The following IQSEC1 variants were observed in gnomAD, a reference collection of about 807,000 sequenced individuals.
IQSEC1 encodes the protein IQ motif and Sec7 domain ArfGEF 1.
In IQSEC1, 31 loss-of-function variants were observed where a neutral mutation model predicts 91.0. The ratio of observed to expected loss-of-function variants is 0.34; its 90% CI spans 0.26 to 0.46. IQSEC1 has a LOEUF of 0.46. IQSEC1 is among the 20% of genes least tolerant of loss of function. The pLI is 1.00. For synonymous variants in IQSEC1, 699 were observed against 662.6 expected (o/e 1.05, Z -0.84); for missense variants, 1,388 against 1,575.6 (o/e 0.88, Z 2.02).
intron 1 of IQSEC1, chr3:13,022,569 T>A (rs1703450199): frequency 3.6e-6 from 2 of 554,318 alleles, no homozygotes; most frequent in African/African-American, 2.1e-5. Flanking sequence ...TGGCCTGGGA[T>A]GGGAGAGGCG....
Position 12,979,914 on chromosome 3 carries a change from A to G in IQSEC1, c.24-38049T>C, listed in dbSNP as rs188992394. On this transcript the variant is annotated intron_variant, in intron 1 of 13. Coordinates refer to ENST00000613206, the MANE Select transcript of IQSEC1 (RefSeq NM_001134382.3). This position sits in a 1 kb window ranked among gnomAD's most constrained non-coding sequence, Gnocchi z 4.3. The stretch of plus-strand genomic sequence containing the variant: ...GAATCCATTTTGCGCAACAAGAAAC[A>G]GCATACTCAAGCGAGAAATGATTTC... Among the ~76,000 whole-genome samples, 3 of 152,308 alleles carry G rather than the reference A, an allele frequency of 2.0e-5. No homozygotes were observed. In the East Asian group the frequency reaches 5.8e-4, roughly 29 times the overall value.
At chr3:12,903,493 C>G (rs968015177) in intron 12 of IQSEC1, among the ~76,000 whole-genome samples, 1 of 152,204 alleles carries the variant, frequency 6.6e-6, no homozygotes, top group Non-Finnish European at 1.5e-5. Flanking sequence ...GGTACCACCC[C>G]CCAAAGGGGC....
chr3:12,957,002 G>A (rs2570001), intron 1 of IQSEC1, among the ~76,000 whole-genome samples: 1 of 152,006 alleles, frequency 6.6e-6, no homozygotes, highest in Non-Finnish European at 1.5e-5. Context: ...AAGGCTCAAC[G>A]CCCTTAACTC....
intron 1 of IQSEC1, among the ~76,000 whole-genome samples, chr3:13,275,270 C>T (rs1390143975): frequency 6.6e-6 from 1 of 152,220 alleles, no homozygotes; most frequent in Non-Finnish European, 1.5e-5. Flanking sequence ...GAACGACAGT[C>T]TCTAACCCGT....
At chr3:13,159,386 G>A (rs1384626814) in intron 2 of IQSEC1, among the ~76,000 whole-genome samples, 2 of 152,078 alleles carry the variant, frequency 1.3e-5, no homozygotes, top group Non-Finnish European at 2.9e-5. Flanking sequence ...CCGAGATCAC[G>A]TCACTGCACT....
At chr3:13,134,766 A>G (rs1399425535) in intron 2 of IQSEC1, among the ~76,000 whole-genome samples, 4 of 152,166 alleles carry the variant, frequency 2.6e-5, no homozygotes, top group African/African-American at 9.7e-5. Context: ...GGGCTGCTAC[A>G]GCTTGCAAGA....
rs531196518 is a variant in IQSEC1, at chr3:13,162,080, G to C, written c.302+2024C>G. On this transcript the variant is annotated intron_variant, in intron 2 of 15. Transcript: ENST00000648114. ...GTGAACACCAGGCCGGGTGGGGCTG[G>C]GGCAGACCAGATCCCCACCACGAGG... 1.6e-3 allele frequency among the ~76,000 whole-genome samples: 240 copies of C among 152,306 alleles called. 2 individuals are homozygous for C. Among genetic ancestry groups the C allele is most frequent in the African/African-American group, 5.4e-3 (225 of 41,566 alleles).
rs778654136 is a variant in IQSEC1, at chr3:12,901,455, G to A, written c.2873C>T (p.Pro958Leu). 3.2e-6 allele frequency: 5 copies of A among 1,549,142 alleles called. No homozygotes were observed. Among genetic ancestry groups the A allele is most frequent in the Non-Finnish European group, 4.4e-6 (5 of 1,146,802 alleles). Reference protein sequence around the residue: ...ATSTRECPSRPHQTMPNSSSL... With the variant: ...ATSTRECPSRLHQTMPNSSSL... Reference sequence around the variant, plus strand: ...AGATGAGTTGGGCATAGTCTGGTGTGGGCGAGATGGACACTCTCGTGTTGA... The same window carrying A: ...AGATGAGTTGGGCATAGTCTGGTGTAGGCGAGATGGACACTCTCGTGTTGA... Residue 958 changes from proline (P) to leucine (L), a missense_variant, in exon 14 of 14, where the codon CCA (proline) becomes CTA (leucine). Physicochemically the swap from Pro to Leu is moderately conservative, Grantham distance 98. Around this residue, in one of 2 missense-constraint regions of IQSEC1, gnomAD observed 329 missense variants for 257.8 expected, o/e 1.28. Transcript: ENST00000613206.
intron 1 of IQSEC1, among the ~76,000 whole-genome samples, chr3:13,020,584 A>G (rs1219313255): frequency 6.6e-6 from 1 of 152,248 alleles, no homozygotes. Flanking sequence ...GAAGAACCTC[A>G]GGACCCTGTA....
chr3:12,990,902 G>A (rs925606928), intron 1 of IQSEC1, among the ~76,000 whole-genome samples: 4 of 152,242 alleles, frequency 2.6e-5, no homozygotes, highest in Admixed American at 1.3e-4. Flanking sequence ...CTGGCATGGA[G>A]TAGATGCTTA....
At chr3:13,192,877 G>A (rs377665309) in intron 1 of IQSEC1, among the ~76,000 whole-genome samples, 1 of 152,248 alleles carries the variant, frequency 6.6e-6, no homozygotes, top group African/African-American at 2.4e-5. Flanking sequence ...TTCACCTTGA[G>A]GGGGAGCATT....
chr3:13,230,424 C>A (rs1694822866), intron 1 of IQSEC1, among the ~76,000 whole-genome samples: 1 of 152,204 alleles, frequency 6.6e-6, no homozygotes, highest in African/African-American at 2.4e-5. Flanking sequence ...GGCTAACTTT[C>A]TCAAAACACT....
chr3:13,260,076 C>T (rs1695355824), intron 1 of IQSEC1, among the ~76,000 whole-genome samples: 1 of 152,178 alleles, frequency 6.6e-6, no homozygotes, highest in Admixed American at 6.5e-5. Flanking sequence ...CTCACCACGC[C>T]TGGAGGACAG....
intron 2 of IQSEC1, among the ~76,000 whole-genome samples, chr3:13,131,408 C>G (rs1383468866): frequency 6.7e-6 from 1 of 148,490 alleles, no homozygotes; most frequent in Non-Finnish European, 1.5e-5. Context: ...CTAAAGGTCA[C>G]TGCCTTTTAA....
chr3:13,151,291 C>A (rs1706994901), intron 2 of IQSEC1, among the ~76,000 whole-genome samples: 1 of 152,184 alleles, frequency 6.6e-6, no homozygotes, highest in Non-Finnish European at 1.5e-5. Context: ...CTTCTGCCCC[C>A]AGTCACTCCC....
At chr3:12,977,830 T>G (rs1701261664) in intron 1 of IQSEC1, among the ~76,000 whole-genome samples, 2 of 152,248 alleles carry the variant, frequency 1.3e-5, no homozygotes, top group Non-Finnish European at 2.9e-5. Context: ...AAACAACACC[T>G]TCTTTTGTCC....
chr3:12,994,758 C>T lies in IQSEC1; in HGVS notation c.24-52893G>A, dbSNP rs1028608275. Among the ~76,000 whole-genome samples, 4 of 152,332 alleles carry T rather than the reference C, an allele frequency of 2.6e-5. No homozygotes were observed. The highest frequency in any genetic ancestry group is 6.5e-5 in the Admixed American group (1 of 15,314). On this transcript the variant is annotated intron_variant, in intron 1 of 13. Coordinates refer to ENST00000613206, the MANE Select transcript of IQSEC1 (RefSeq NM_001134382.3). The surrounding 1 kb of genome is among the most constrained non-coding windows in gnomAD (Gnocchi z 4.5). ...ACACACCCTCCTGACTGTTTGGGGA[C>T]GGGGTGGGGACCTGGGCCTGCCGGT...
chr3:13,196,920 G>A (rs914565718), intron 1 of IQSEC1, among the ~76,000 whole-genome samples: 4 of 152,082 alleles, frequency 2.6e-5, no homozygotes, highest in Admixed American at 2.6e-4. Flanking sequence ...TGTGGGATCC[G>A]GGTGGGGGTG....
chr3:13,085,051 T>C (rs953347393), intron 2 of IQSEC1, among the ~76,000 whole-genome samples: 1 of 152,152 alleles, frequency 6.6e-6, no homozygotes, highest in Admixed American at 6.5e-5. Flanking sequence ...TCAGAGGCCA[T>C]AGATAGGACC....
Sources: gnomAD v4.1 joint callset for allele counts (sites outside exome capture counted in the v4.1 genomes callset) on GRCh38, gnomAD v4.1.1 for gene constraint, gnomAD v4.1.1 regional missense constraint, Gnocchi (gnomAD v3.1) non-coding constraint, MANE v1.5 for transcripts, NCBI Gene and HGNC (gene_info 2026-07-23, HGNC 2026-07-21) for gene names.